The following PFKFB3 variants were observed in gnomAD, a reference collection of about 807,000 sequenced individuals.
PFKFB3 encodes 6-phosphofructo-2-kinase/fructose-2,6-biphosphatase 3, also known as 6-phosphofructo-2-kinase/fructose-2,6-bisphosphatase 3.
PFKFB3 carries 33 observed loss-of-function variants against 68.0 expected under a neutral mutation model. That is an observed-to-expected ratio of 0.49 (90% confidence interval 0.37 to 0.65). The LOEUF is 0.65. Among genes scored for constraint, PFKFB3 ranks in the 30% least tolerant of loss-of-function variants. The pLI is 0.00. For synonymous variants in PFKFB3, 315 were observed against 288.2 expected (o/e 1.09, Z -0.94); for missense variants, 586 against 712.2 (o/e 0.82, Z 2.02).
chr10:6,203,188 G>T lies in PFKFB3; in HGVS notation c.-73G>T. 4.5e-6 allele frequency: 7 copies of T among 1,564,660 alleles called. No individual in the cohort carries two copies. Among genetic ancestry groups the T allele is most frequent in the Non-Finnish European group, 6.1e-6 (7 of 1,156,180 alleles). ...CCCCCCTCTCCTCCTTTGTTCCGGG[G>T]GTCGGCGGCCGCTCTCCTGCCAGCG... is the stretch of plus-strand genomic sequence containing the variant. On this transcript the variant is annotated 5_prime_UTR_variant, in exon 1 of 15. Coordinates refer to ENST00000379775, the MANE Select transcript of PFKFB3 (RefSeq NM_004566.4).
the PFKFB3 span, among the ~76,000 whole-genome samples, chr10:6,301,076 G>C: frequency 6.6e-6 from 1 of 152,166 alleles, no homozygotes; most frequent in Non-Finnish European, 1.5e-5. Flanking sequence ...CCCAAGCTTG[G>C]CATGGCCAGA....
the PFKFB3 span, among the ~76,000 whole-genome samples, chr10:6,318,536 G>T: frequency 6.6e-6 from 1 of 152,222 alleles, no homozygotes; most frequent in Non-Finnish European, 1.5e-5. Flanking sequence ...CACGCCCGAG[G>T]CTGGCCCCAC....
the PFKFB3 span, among the ~76,000 whole-genome samples, chr10:6,311,203 C>T: frequency 6.6e-6 from 1 of 152,202 alleles, no homozygotes; most frequent in East Asian, 1.9e-4. Flanking sequence ...GAGACATTCA[C>T]AGCCCTTTCT....
At chr10:6,221,263 G>T in intron 8 of PFKFB3, 118 bp from the exon 9 acceptor site, 2 of 1,278,300 alleles carry the variant, frequency 1.6e-6, no homozygotes, top group Admixed American at 4.8e-5. Flanking sequence ...CAGTGGCCTG[G>T]GGCCCCCACG....
chr10:6,173,918 GA>G (rs1313042354), intron 1 of PFKFB3, among the ~76,000 whole-genome samples: 1 of 152,098 alleles, frequency 6.6e-6, no homozygotes, highest in East Asian at 1.9e-4. Flanking sequence ...ACGCAAACGG[GA>G]GGCGGGGAGG....
chr10:6,248,333 A>G (rs760056212), intron 14 of PFKFB3, among the ~76,000 whole-genome samples: 2 of 152,270 alleles, frequency 1.3e-5, no homozygotes, highest in Non-Finnish European at 2.9e-5. Context: ...GAAAGACAGC[A>G]AATAATCTGA....
intron 1 of PFKFB3, among the ~76,000 whole-genome samples, chr10:6,177,411 C>CTTTCTTTCTTCTTTCTTTCTTTCT (rs1564599711): frequency 7.2e-5 from 3 of 41,822 alleles, no homozygotes; most frequent in Non-Finnish European, 1.5e-4. Context: ...TTTCTTTCTT[C>CTTTCTTTCTTCTTTCTTTCTTTCT]TTTCTCTTTC....
At chr10:6,265,711 C>T in the PFKFB3 span, among the ~76,000 whole-genome samples, 4 of 152,086 alleles carry the variant, frequency 2.6e-5, no homozygotes, top group East Asian at 1.9e-4. Context: ...ACTGGTGCCA[C>T]GAAGACATCC....
At chr10:6,267,340 A>G in the PFKFB3 span, among the ~76,000 whole-genome samples, 2 of 152,232 alleles carry the variant, frequency 1.3e-5, no homozygotes, top group Non-Finnish European at 2.9e-5. Context: ...CTAATGAGTG[A>G]GGAAGGTCTG....
rs1331775899 is a variant in PFKFB3, at chr10:6,156,125, A to ATG, written c.16+11113_16+11114insGT. Among the ~76,000 whole-genome samples, 5 of 75,992 alleles carry ATG rather than the reference A, an allele frequency of 6.6e-5. No homozygotes were observed. The East Asian group carries it at 1.7e-3, about 26-fold the overall frequency. 49.9% of individuals were successfully genotyped at this position (75,992 alleles called of 152,430 possible). On this transcript the variant is annotated intron_variant, in intron 1 of 14. Coordinates refer to the PFKFB3 transcript ENST00000379789. The stretch of plus-strand genomic sequence containing the variant: ...GAAGAGATATTATATATATGTACAT[A>ATG]TATATGTGTGTGTGTGTGTGTGTGT...
the PFKFB3 span, among the ~76,000 whole-genome samples, chr10:6,290,352 A>G: frequency 2.0e-5 from 3 of 152,124 alleles, 1 homozygote; most frequent in South Asian, 6.2e-4. Context: ...TGTCATAGAT[A>G]GCTCTTATTA....
At position 6,220,592 on chromosome 10, in the gene PFKFB3, C is replaced by T. The variant is rs998949181; in HGVS notation, c.624-66C>T. On this transcript the variant is annotated intron_variant, in intron 7 of 14. Transcript: ENST00000379775. The surrounding 1 kb of genome is among the most constrained non-coding windows in gnomAD (Gnocchi z 4.1). The stretch of plus-strand genomic sequence containing the variant: ...TCTCTGGGGATCACATCTTCGGAGA[C>T]GGGCCAGGTGCATCCTGCTGTGGGT... The T allele has an allele frequency of 5.7e-5, 82 of 1,438,300 alleles. No individual in the cohort carries two copies. Among genetic ancestry groups the T allele is most frequent in the Admixed American group, 5.2e-4 (31 of 59,238 alleles). 89.1% of individuals were successfully genotyped at this position (1,438,300 alleles called of 1,614,324 possible). A position where few individuals can be genotyped will look rare whatever the true frequency, so the allele number is the denominator to read the frequency against.
chr10:6,305,004 A>ATTT, the PFKFB3 span, among the ~76,000 whole-genome samples: 1 of 26,886 alleles, frequency 3.7e-5, no homozygotes, highest in African/African-American at 9.2e-5. Flanking sequence ...AAATATTAGG[A>ATTT]ATTTTTTTTT....
Position 6,220,770 on chromosome 10 carries a change from C to CCG in PFKFB3, c.739_740dup (p.Thr248ValfsTer36). The CCG allele has an allele frequency of 1.9e-6, 3 of 1,614,088 alleles. No homozygotes were observed. Among genetic ancestry groups the CCG allele is most frequent in the Non-Finnish European group, 2.5e-6 (3 of 1,180,026 alleles). ...CTACCTGATGAACATCCACGTGCAG[C>CCG]CGCGTACCATCTACCTGTGCCGGCA... On this transcript the variant is annotated frameshift_variant, in exon 8 of 15. Coordinates refer to ENST00000379775, the MANE Select transcript of PFKFB3 (RefSeq NM_004566.4). LOFTEE classifies it high-confidence loss of function. The surrounding 1 kb of genome is among the most constrained non-coding windows in gnomAD (Gnocchi z 4.1).
the PFKFB3 span, among the ~76,000 whole-genome samples, chr10:6,311,641 C>T: frequency 6.6e-6 from 1 of 151,992 alleles, no homozygotes; most frequent in Middle Eastern, 3.4e-3. Flanking sequence ...CCCAGCTATT[C>T]GGAAGACTGA....
intron 1 of PFKFB3, among the ~76,000 whole-genome samples, chr10:6,145,873 G>A (rs1235507166): frequency 6.6e-6 from 1 of 152,202 alleles, no homozygotes; most frequent in Non-Finnish European, 1.5e-5. Context: ...CCAGCGCACC[G>A]GACCCCGGTT....
At chr10:6,250,443 C>A (rs1035167988) in intron 14 of PFKFB3, among the ~76,000 whole-genome samples, 1 of 151,930 alleles carries the variant, frequency 6.6e-6, no homozygotes, top group East Asian at 1.9e-4. Context: ...TGGTGGCGGG[C>A]GCCTGTAGTC....
intron 1 of PFKFB3, among the ~76,000 whole-genome samples, chr10:6,162,408 A>G: frequency 6.6e-6 from 1 of 152,182 alleles, no homozygotes; most frequent in East Asian, 1.9e-4. Context: ...TACAAGGAAT[A>G]ATCTTTTATT....
At chr10:6,207,195 G>A (rs1475154214) in intron 1 of PFKFB3, among the ~76,000 whole-genome samples, 5 of 152,234 alleles carry the variant, frequency 3.3e-5, no homozygotes, top group Non-Finnish European at 7.3e-5. Context: ...CGGCACCTCG[G>A]GAGGCCGAGG....
Sources: gnomAD v4.1 joint callset for allele counts (sites outside exome capture counted in the v4.1 genomes callset) on GRCh38, gnomAD v4.1.1 for gene constraint, Gnocchi (gnomAD v3.1) non-coding constraint, MANE v1.5 for transcripts, NCBI Gene and HGNC (gene_info 2026-07-23, HGNC 2026-07-21) for gene names.